The following CUBN variants were observed in gnomAD, a reference collection of about 807,000 sequenced individuals.
The protein encoded by CUBN is cubilin, also known as 460 kDa receptor.
CUBN carries 282 observed loss-of-function variants against 405.3 expected under a neutral mutation model. That is an observed-to-expected ratio of 0.70 (90% CI 0.63 to 0.77). The LOEUF is 0.77. Among genes scored for constraint, CUBN ranks in the 30% least tolerant of loss-of-function variants. The pLI, the probability that CUBN is intolerant of heterozygous loss-of-function variation, is 0.00. For synonymous variants in CUBN, 1,684 were observed against 1,617.0 expected, an observed-to-expected ratio of 1.04 and a Z score of -0.99; for missense variants, 4,514 against 4,475.2, an observed-to-expected ratio of 1.01 and a Z score of -0.25.
At chr10:16,932,700 T>C (rs1280873054) in intron 40 of CUBN, among the ~76,000 whole-genome samples, 1 of 152,202 alleles carries the variant, frequency 6.6e-6, no homozygotes, top group Non-Finnish European at 1.5e-5. Context: ...GCTGGGATTA[T>C]GGTGTGAACC....
intron 54 of CUBN, among the ~76,000 whole-genome samples, chr10:16,891,770 A>G (rs1841015877): frequency 6.6e-6 from 1 of 152,160 alleles, no homozygotes; most frequent in South Asian, 2.1e-4. Flanking sequence ...CCTAGTTCAG[A>G]GGTCTCAACT....
chr10:16,941,160 C>G (rs1204099782), intron 36 of CUBN, among the ~76,000 whole-genome samples: 1 of 152,050 alleles, frequency 6.6e-6, no homozygotes, highest in Non-Finnish European at 1.5e-5. Flanking sequence ...TAAGGGTAGA[C>G]AAATGGATGA....
intron 10 of CUBN, among the ~76,000 whole-genome samples, chr10:17,107,767 G>C (rs1032877820): frequency 1.3e-5 from 2 of 152,068 alleles, no homozygotes; most frequent in African/African-American, 4.8e-5. Flanking sequence ...AAAGTGCTGG[G>C]ATGACAGGCG....
chr10:16,945,331 A>G (rs184295503), intron 36 of CUBN, among the ~76,000 whole-genome samples: 2 of 152,342 alleles, frequency 1.3e-5, no homozygotes, highest in East Asian at 3.9e-4. Context: ...CTCATAGGAG[A>G]GTAGCATGTG....
intron 27 of CUBN, among the ~76,000 whole-genome samples, chr10:17,021,328 C>A (rs1188562835): frequency 6.6e-6 from 1 of 152,214 alleles, no homozygotes; most frequent in Non-Finnish European, 1.5e-5. Context: ...ACAAAAATCT[C>A]TCTACTATAT....
intron 27 of CUBN, among the ~76,000 whole-genome samples, chr10:17,034,062 G>A (rs142051694): frequency 7.3e-4 from 111 of 152,282 alleles, no homozygotes; most frequent in African/African-American, 2.6e-3. Flanking sequence ...GGGTGAACAG[G>A]ATGACATCAG....
chr10:16,920,256 T>C, intron 43 of CUBN, 119 bp from the exon 44 acceptor site: 2 of 1,036,138 alleles, frequency 1.9e-6, no homozygotes, highest in Non-Finnish European at 2.9e-6. Flanking sequence ...TTTCATCTGT[T>C]ATGATCCTCA....
At chr10:17,067,422 G>C (rs185083294) in intron 21 of CUBN, among the ~76,000 whole-genome samples, 5 of 152,206 alleles carry the variant, frequency 3.3e-5, no homozygotes, top group African/African-American at 1.2e-4. Context: ...AAGAAAAGAT[G>C]AGTGAACTTG....
intron 62 of CUBN, among the ~76,000 whole-genome samples, chr10:16,839,640 T>C (rs1839279551): frequency 1.0e-5 from 1 of 95,514 alleles, no homozygotes; most frequent in Admixed American, 1.2e-4. Context: ...AGTTCAACCA[T>C]TGTGGAAGTC....
chr10:16,996,702 C>A (rs1276711), intron 28 of CUBN, among the ~76,000 whole-genome samples: 142,037 of 152,312 alleles, frequency 0.93, 66,385 homozygotes, highest in African/African-American at 0.96. Flanking sequence ...TAAAAAGTAA[C>A]TGCTGTATTG....
chr10:17,101,850 T>A (rs942303219), intron 13 of CUBN, among the ~76,000 whole-genome samples: 24 of 152,292 alleles, frequency 1.6e-4, no homozygotes, highest in African/African-American at 4.6e-4. Flanking sequence ...TCCTCATGTG[T>A]AAAATGAAGA....
chr10:16,912,467 A>C (rs1841759723), intron 48 of CUBN, among the ~76,000 whole-genome samples: 1 of 152,234 alleles, frequency 6.6e-6, no homozygotes, highest in African/African-American at 2.4e-5. Context: ...AAACTGATGA[A>C]CAAATCAAAA....
intron 28 of CUBN, among the ~76,000 whole-genome samples, chr10:16,999,257 C>T (rs1833816228): frequency 1.3e-5 from 2 of 152,270 alleles, no homozygotes; most frequent in East Asian, 1.9e-4. Flanking sequence ...CCCTTTAGTA[C>T]ATCATCAAAG....
At chr10:17,116,969 T>C (rs1207272970) in intron 6 of CUBN, among the ~76,000 whole-genome samples, 1 of 152,178 alleles carries the variant, frequency 6.6e-6, no homozygotes, top group East Asian at 1.9e-4. Context: ...TTCCATGCAA[T>C]TTACGACATC....
chr10:16,894,834 T>C (rs1242903639), intron 54 of CUBN, among the ~76,000 whole-genome samples: 1 of 152,200 alleles, frequency 6.6e-6, no homozygotes, highest in Non-Finnish European at 1.5e-5. Flanking sequence ...ATAAATATAA[T>C]TGTCTCTTTC....
At chr10:17,055,334 G>A (rs1835366755) in intron 22 of CUBN, among the ~76,000 whole-genome samples, 1 of 151,924 alleles carries the variant, frequency 6.6e-6, no homozygotes. Flanking sequence ...AGGACTAAAC[G>A]CTTTCCTGTC....
chr10:16,976,775 TCTTGA>T (rs1469301564), intron 31 of CUBN, among the ~76,000 whole-genome samples: 4 of 152,208 alleles, frequency 2.6e-5, no homozygotes, highest in Non-Finnish European at 5.9e-5. Flanking sequence ...CTGAGTAGAT[TCTTGA>T]CTTATCTTCC....
At chr10:17,081,663 C>T (rs999902815) in intron 17 of CUBN, among the ~76,000 whole-genome samples, 23 of 152,036 alleles carry the variant, frequency 1.5e-4, no homozygotes, top group African/African-American at 4.3e-4. Context: ...TTTTAGAAAA[C>T]GGGTTCAGTT....
At position 16,899,001 on chromosome 10, in the gene CUBN, C is replaced by A; in HGVS notation, c.8593G>T (p.Val2865Leu). 6.2e-7 allele frequency: 1 copy of A among 1,607,960 alleles called. No homozygotes were observed. Among genetic ancestry groups the A allele is most frequent in the Non-Finnish European group, 8.5e-7 (1 of 1,174,420 alleles). ...SGDGQCQNSF[V>L]KVWAGTEEVD... ...AAATGAACAAGTGTACTAACCTTCA[C>A]GAAGCTATTCTGACATTGTCCATCA... Residue 2865 changes from valine (V) to leucine (L), a missense_variant, in exon 54 of 67, where the codon GTG (valine) becomes TTG (leucine). Coordinates refer to ENST00000377833, the MANE Select transcript of CUBN (RefSeq NM_001081.4).
Sources: allele counts gnomAD v4.1 joint callset (sites outside exome capture counted in the v4.1 genomes callset), GRCh38; gene constraint gnomAD v4.1.1; transcripts MANE v1.5; gene names NCBI Gene and HGNC (gene_info 2026-07-23, HGNC 2026-07-21).